Variants in RBMS3 observed in about 807,000 individuals in gnomAD.
The protein encoded by RBMS3 is RNA binding motif single stranded interacting protein 3.
RBMS3 carries 27 observed loss-of-function variants against 66.8 expected under a neutral mutation model. The ratio of observed to expected loss-of-function variants is 0.40; its 90% CI spans 0.30 to 0.56. The LOEUF (loss-of-function observed/expected upper bound fraction) is 0.56, where lower values mean the gene tolerates loss of function less well. Among genes scored for constraint, RBMS3 ranks in the 20% least tolerant of loss-of-function variants. The pLI is 0.40. For synonymous variants in RBMS3, 188 were observed against 183.0 expected (o/e 1.03, Z -0.22); for missense variants, 513 against 549.5 (o/e 0.93, Z 0.66).
intron 3 of RBMS3, among the ~76,000 whole-genome samples, chr3:29,522,973 A>C (rs1157724430): frequency 6.6e-6 from 1 of 152,230 alleles, no homozygotes; most frequent in Non-Finnish European, 1.5e-5. Flanking sequence ...CTGAGCACAC[A>C]GTCACTTATT....
intron 1 of RBMS3, among the ~76,000 whole-genome samples, chr3:29,387,733 C>T (rs1275666075): frequency 1.3e-5 from 2 of 151,678 alleles, no homozygotes; most frequent in Non-Finnish European, 2.9e-5. Flanking sequence ...AAACCCCGTC[C>T]CTACTAAAAA....
intron 4 of RBMS3, among the ~76,000 whole-genome samples, chr3:29,716,757 T>C (rs898808438): frequency 1.3e-5 from 2 of 152,178 alleles, no homozygotes; most frequent in South Asian, 2.1e-4. Flanking sequence ...TCCTTTTCTA[T>C]TAATTAATTG....
intron 4 of RBMS3, among the ~76,000 whole-genome samples, chr3:29,706,918 T>A (rs1340957398): frequency 6.6e-6 from 1 of 152,210 alleles, no homozygotes; most frequent in Non-Finnish European, 1.5e-5. Flanking sequence ...CAGACTTTTT[T>A]AAAAGATGGT....
rs79245140 is a variant in RBMS3, at chr3:29,895,998, G to T, written c.792-1381G>T. On this transcript the variant is annotated intron_variant, in intron 8 of 14. Transcript: ENST00000383767. Reference sequence around the variant, plus strand: ...AAACGTCACAACTATAAATTTAAGGGTCTGGTGAGTATGGATAGTAAGAAT... The same window carrying T: ...AAACGTCACAACTATAAATTTAAGGTTCTGGTGAGTATGGATAGTAAGAAT... Among the ~76,000 whole-genome samples, 402 of 151,282 alleles carry T rather than the reference G, an allele frequency of 2.7e-3. 17 individuals are homozygous for T. In the South Asian group the frequency reaches 0.068, roughly 26 times the overall value.
At chr3:29,743,743 T>C (rs966364585) in intron 5 of RBMS3, among the ~76,000 whole-genome samples, 3 of 151,736 alleles carry the variant, frequency 2.0e-5, no homozygotes, top group African/African-American at 7.3e-5. Flanking sequence ...TTTTTTTTTT[T>C]TAAATTTTAT....
At chr3:29,936,598 G>A (rs2061270956) in intron 11 of RBMS3, among the ~76,000 whole-genome samples, 1 of 152,040 alleles carries the variant, frequency 6.6e-6, no homozygotes, top group Non-Finnish European at 1.5e-5. Context: ...CAACTGAGGG[G>A]CCAGATCTAT....
chr3:29,612,982 C>A (rs1257885118), intron 4 of RBMS3, among the ~76,000 whole-genome samples: 3 of 152,186 alleles, frequency 2.0e-5, no homozygotes, highest in South Asian at 2.1e-4. Context: ...TCAAGCTTAG[C>A]TTATTTCATG....
chr3:29,724,841 C>CA (rs2053787789), intron 4 of RBMS3, among the ~76,000 whole-genome samples: 1 of 152,038 alleles, frequency 6.6e-6, no homozygotes, highest in African/African-American at 2.4e-5. Context: ...TGTCAGCTAA[C>CA]AAAAAATAGC....
intron 3 of RBMS3, among the ~76,000 whole-genome samples, chr3:29,585,723 C>T (rs2047495837): frequency 6.6e-6 from 1 of 151,966 alleles, no homozygotes; most frequent in Non-Finnish European, 1.5e-5. Context: ...ACTCATCTTA[C>T]TGGGTAGTAA....
intron 4 of RBMS3, among the ~76,000 whole-genome samples, chr3:29,679,973 T>C (rs1234829298): frequency 1.3e-5 from 2 of 152,104 alleles, no homozygotes; most frequent in Non-Finnish European, 2.9e-5. Flanking sequence ...ACATATTTCA[T>C]GTGAATTTGA....
intron 2 of RBMS3, among the ~76,000 whole-genome samples, chr3:29,441,004 A>G (rs1273898975): frequency 2.6e-5 from 4 of 152,202 alleles, no homozygotes; most frequent in Non-Finnish European, 4.4e-5. Flanking sequence ...GTTCTTTCTT[A>G]CTGTGTCATT....
chr3:29,922,327 A>T (rs2060805176), intron 10 of RBMS3, among the ~76,000 whole-genome samples: 2 of 151,438 alleles, frequency 1.3e-5, no homozygotes, highest in South Asian at 2.1e-4. Flanking sequence ...CTCTACTAAA[A>T]ATACAAAAAA....
intron 3 of RBMS3, among the ~76,000 whole-genome samples, chr3:29,521,256 C>A (rs937779123): frequency 1.3e-5 from 2 of 152,194 alleles, no homozygotes; most frequent in African/African-American, 4.8e-5. Flanking sequence ...ACTTATGAAC[C>A]CTAGTTCATA....
At chr3:29,454,867 A>C (rs181517689) in intron 2 of RBMS3, among the ~76,000 whole-genome samples, 178 of 152,310 alleles carry the variant, frequency 1.2e-3, no homozygotes, top group Non-Finnish European at 2.0e-3. Context: ...TTTCAGGAAA[A>C]ATTCTATTAG....
At chr3:29,511,525 G>T (rs1290669531) in intron 3 of RBMS3, among the ~76,000 whole-genome samples, 3 of 151,960 alleles carry the variant, frequency 2.0e-5, no homozygotes, top group Non-Finnish European at 2.9e-5. Context: ...ACGATGTTGG[G>T]TCTACTGATT....
rs527687960 is a variant in RBMS3, at chr3:29,538,507, A to G, written c.308-48607A>G. Among the ~76,000 whole-genome samples the G allele has an allele frequency of 1.4e-4, 22 of 152,368 alleles. No individual in the cohort carries two copies. In the East Asian group the frequency reaches 2.9e-3, roughly 20 times the overall value. ...CTGAGGAAGTCCCTTAGCAGATGCCAAAGTTTTTCCTGGCAGAAATGTCTA... is the reference window on the plus strand; with the variant it reads ...CTGAGGAAGTCCCTTAGCAGATGCCGAAGTTTTTCCTGGCAGAAATGTCTA... On this transcript the variant is annotated intron_variant, in intron 3 of 14. Coordinates refer to ENST00000383767, the MANE Select transcript of RBMS3 (RefSeq NM_001003793.3).
intron 10 of RBMS3, among the ~76,000 whole-genome samples, chr3:29,934,816 G>A (rs1391303612): frequency 6.6e-6 from 1 of 152,036 alleles, no homozygotes; most frequent in Non-Finnish European, 1.5e-5. Flanking sequence ...AGCCCACAGA[G>A]AAGGCAGAGT....
At chr3:29,305,878 A>G (rs1169250684) in intron 1 of RBMS3, among the ~76,000 whole-genome samples, 2 of 152,050 alleles carry the variant, frequency 1.3e-5, no homozygotes, top group African/African-American at 4.8e-5. Context: ...TACCTGAAGG[A>G]AGTTATCAAA....
intron 1 of RBMS3, among the ~76,000 whole-genome samples, chr3:29,425,042 A>T (rs1159229309): frequency 6.6e-6 from 1 of 151,914 alleles, no homozygotes; most frequent in African/African-American, 2.4e-5. Context: ...GAGGGTGTAC[A>T]TTTTAAAAAA....
Sources: allele counts gnomAD v4.1 joint callset (sites outside exome capture counted in the v4.1 genomes callset), GRCh38; gene constraint gnomAD v4.1.1; transcripts MANE v1.5; gene names NCBI Gene and HGNC (gene_info 2026-07-23, HGNC 2026-07-21).